The following PTPN3 variants were observed in gnomAD, a reference collection of about 807,000 sequenced individuals.
PTPN3 encodes the protein protein tyrosine phosphatase non-receptor type 3.
In PTPN3, 96 loss-of-function variants were observed where a neutral mutation model predicts 132.7. That is an observed-to-expected ratio of 0.72 (90% CI 0.61 to 0.86). The LOEUF (loss-of-function observed/expected upper bound fraction) is 0.86. PTPN3 is among the 40% of genes least tolerant of loss of function. PTPN3 has a pLI of 0.00. For synonymous variants in PTPN3, 398 were observed against 429.0 expected (o/e 0.93, Z 0.89); for missense variants, 1,125 against 1,159.6 (o/e 0.97, Z 0.43).
Position 109,436,946 on chromosome 9 carries a change from T to C in PTPN3, c.612A>G (p.Glu204=). 1 of 1,614,130 alleles carries C rather than the reference T, an allele frequency of 6.2e-7. No individual in the cohort carries two copies. Among genetic ancestry groups the C allele is most frequent in the Non-Finnish European group, 8.5e-7 (1 of 1,179,986 alleles). ...TCCGCGCTATGTTGATATAGCAGGA[T>C]TCTGCTTCTGATTGTTTTAGCCCAC... ...QHSGLKQSEA[E]SCYINIARTL... The change falls in exon 9 of 26, where the codon GAA becomes GAG. Residue 204 remains glutamate, a synonymous_variant. Coordinates refer to ENST00000374541, the MANE Select transcript of PTPN3 (RefSeq NM_002829.4).
chr9:109,529,348 G>A, the PTPN3 span, among the ~76,000 whole-genome samples: 68 of 152,332 alleles, frequency 4.5e-4, 1 homozygote, highest in Admixed American at 4.3e-3. Context: ...ACTCTGGGCT[G>A]GGGCACAGCA....
chr9:109,491,609 A>C (rs1847465822), intron 1 of PTPN3, among the ~76,000 whole-genome samples: 1 of 152,264 alleles, frequency 6.6e-6, no homozygotes, highest in African/African-American at 2.4e-5. Context: ...GTACTAATAC[A>C]AATAATTACA....
chr9:109,388,341 G>T (rs1182127983), intron 22 of PTPN3, among the ~76,000 whole-genome samples: 1 of 152,158 alleles, frequency 6.6e-6, no homozygotes, highest in East Asian at 1.9e-4. Context: ...GATAAACAGG[G>T]GAGGTTAAGT....
At chr9:109,416,879 T>C (rs1182296635) in intron 14 of PTPN3, among the ~76,000 whole-genome samples, 1 of 152,228 alleles carries the variant, frequency 6.6e-6, no homozygotes, top group Non-Finnish European at 1.5e-5. Context: ...GGTGTCATGC[T>C]GGTGACCCAT....
At chr9:109,520,381 C>A in the PTPN3 span, among the ~76,000 whole-genome samples, 2 of 152,050 alleles carry the variant, frequency 1.3e-5, no homozygotes, top group Non-Finnish European at 2.9e-5. Context: ...GCTCCCCTAC[C>A]TCCCCAAATA....
In PTPN3 at chr9:109,377,956, T is replaced by C. The variant is rs1838713822; in HGVS notation, c.*1600A>G. 3 of 152,238 alleles carry C rather than the reference T, an allele frequency of 2.0e-5. No individual in the cohort carries two copies. In the South Asian group the frequency reaches 6.2e-4, roughly 32 times the overall value. The allele number at this position is 152,238 out of a possible 1,614,324, so 9.4% of individuals were successfully genotyped here. On this transcript the variant is annotated 3_prime_UTR_variant, in exon 26 of 26. Coordinates refer to ENST00000374541, the MANE Select transcript of PTPN3 (RefSeq NM_002829.4). The stretch of plus-strand genomic sequence containing the variant: ...TGGGGTTATGGTACTGTGTGACATC[T>C]CCCTCCCACCTCTGCCATTTAGCAG...
At chr9:109,496,528 A>C (rs552945150) in intron 1 of PTPN3, among the ~76,000 whole-genome samples, 1 of 152,352 alleles carries the variant, frequency 6.6e-6, no homozygotes, top group South Asian at 2.1e-4. Context: ...CATCTGTAAA[A>C]TGGGAGTGAC....
chr9:109,382,743 T>C (rs892177385), intron 23 of PTPN3, among the ~76,000 whole-genome samples: 2 of 148,452 alleles, frequency 1.3e-5, no homozygotes, highest in East Asian at 2.0e-4. Context: ...AGGCCACACA[T>C]GCTGACTGTT....
chr9:109,482,507 C>T (rs1478764113), intron 1 of PTPN3, among the ~76,000 whole-genome samples: 2 of 152,172 alleles, frequency 1.3e-5, no homozygotes, highest in Non-Finnish European at 2.9e-5. Context: ...CTATGATGAG[C>T]AATCATGAGT....
intron 2 of PTPN3, among the ~76,000 whole-genome samples, chr9:109,460,198 A>G (rs746344906): frequency 1.3e-5 from 2 of 152,176 alleles, no homozygotes; most frequent in African/African-American, 2.4e-5. Context: ...CAGGCCAAAA[A>G]TCTGGGATTC....
intron 25 of PTPN3, 151 bp downstream of exon 25, chr9:109,381,501 G>C: frequency 1.8e-6 from 2 of 1,141,142 alleles, no homozygotes; most frequent in South Asian, 2.9e-5. Flanking sequence ...ATGGGTGTGG[G>C]CTGTAGCCAC....
chr9:109,449,170 C>A, intron 5 of PTPN3: 1 of 1,142,592 alleles, frequency 8.8e-7, no homozygotes, highest in Non-Finnish European at 1.1e-6. Context: ...CTATGGGTTC[C>A]GCTGTCAGTG....
At chr9:109,382,537 C>A in intron 23 of PTPN3, 90 bp from the exon 24 acceptor site, 1 of 1,425,584 alleles carries the variant, frequency 7.0e-7, no homozygotes, top group Non-Finnish European at 9.8e-7. Flanking sequence ...GCCCTGTCTC[C>A]TGATGCTTTC....
At chr9:109,428,753 C>G in intron 10 of PTPN3, 69 bp from the exon 11 acceptor site, 1 of 1,546,646 alleles carries the variant, frequency 6.5e-7, no homozygotes. Context: ...TGATGCCTCT[C>G]AATGCATGTC....
chr9:109,515,178 A>G, the PTPN3 span, among the ~76,000 whole-genome samples: 1 of 152,144 alleles, frequency 6.6e-6, no homozygotes, highest in Non-Finnish European at 1.5e-5. Context: ...ACATGCCACT[A>G]TGCCTAGCTA....
In PTPN3 at chr9:109,457,163, T is replaced by C; in HGVS notation, c.289+10A>G. The C allele has an allele frequency of 6.2e-7, 1 of 1,612,976 alleles. No individual in the cohort carries two copies. The highest frequency in any genetic ancestry group is 8.5e-7 in the Non-Finnish European group (1 of 1,178,946). Reference sequence around the variant, plus strand: ...CTAATGTTCGACTGAAATGAAAAGATCACACCAACCTTTTAACTGCTTCCT... The same window carrying C: ...CTAATGTTCGACTGAAATGAAAAGACCACACCAACCTTTTAACTGCTTCCT... On this transcript the variant is annotated intron_variant, in intron 4 of 25. Coordinates refer to ENST00000374541, the MANE Select transcript of PTPN3 (RefSeq NM_002829.4).
the PTPN3 span, among the ~76,000 whole-genome samples, chr9:109,520,694 A>G: frequency 6.6e-6 from 1 of 152,130 alleles, no homozygotes; most frequent in African/African-American, 2.4e-5. Flanking sequence ...CAGTTATAGC[A>G]CTGTCCGTGG....
the PTPN3 span, among the ~76,000 whole-genome samples, chr9:109,528,064 C>T: frequency 3.3e-5 from 5 of 152,092 alleles, no homozygotes; most frequent in Non-Finnish European, 5.9e-5. Flanking sequence ...ATGATATCTC[C>T]CCCATCACTT....
At chr9:109,438,490 T>A (rs1163227407) in intron 7 of PTPN3, among the ~76,000 whole-genome samples, 1 of 152,184 alleles carries the variant, frequency 6.6e-6, no homozygotes, top group Non-Finnish European at 1.5e-5. Flanking sequence ...GGGAGAAAAT[T>A]AGGAGACGGT....
Sources: gnomAD v4.1 joint callset for allele counts (sites outside exome capture counted in the v4.1 genomes callset) on GRCh38, gnomAD v4.1.1 for gene constraint, MANE v1.5 for transcripts, NCBI Gene and HGNC (gene_info 2026-07-23, HGNC 2026-07-21) for gene names.